Variants in SFPQ observed in about 807,000 individuals in gnomAD.
SFPQ encodes splicing factor proline and glutamine rich.
Under a neutral mutation model 72.9 loss-of-function variants are expected in SFPQ, and 11 were observed. That is an observed-to-expected ratio of 0.15 (90% confidence interval 0.09 to 0.25). SFPQ has a LOEUF of 0.25. Ranked by LOEUF, SFPQ falls within the 10% of genes least tolerant of loss-of-function variation. SFPQ has a pLI of 1.00. For missense variants in SFPQ, 847 were observed against 993.3 expected, an observed-to-expected ratio of 0.85 and a Z score of 1.98; for synonymous variants, 506 against 367.3, an observed-to-expected ratio of 1.38 and a Z score of -4.32.
In SFPQ at chr1:35,190,539, A is replaced by C; in HGVS notation, c.1374T>G (p.Gly458=). The change falls in exon 4 of 10, where the codon GGT becomes GGG. Residue 458 remains glycine (G), a synonymous_variant. Coordinates refer to ENST00000357214, the MANE Select transcript of SFPQ (RefSeq NM_005066.3). Reference sequence around the variant, plus strand: ...TCTTCTGGGCAAGTTTTTCAGGAAGACCATCTTCATCATCTAGTTGTTCAA... The same window carrying C: ...TCTTCTGGGCAAGTTTTTCAGGAAGCCCATCTTCATCATCTAGTTGTTCAA... ...EPLEQLDDED[G]LPEKLAQKNP... The C allele has an allele frequency of 1.2e-6, 2 of 1,613,914 alleles. No individual in the cohort carries two copies. Among genetic ancestry groups the C allele is most frequent in the Non-Finnish European group, 1.7e-6 (2 of 1,179,890 alleles).
chr1:35,187,361 G>C (rs1639771336), intron 7 of SFPQ, 110 bp from the exon 8 acceptor site: 1 of 972,152 alleles, frequency 1.0e-6, no homozygotes, highest in Admixed American at 2.0e-5. Flanking sequence ...AAGTTCAAAA[G>C]TTCATCATGT....
At position 35,191,210 on chromosome 1, in the gene SFPQ, G is replaced by A. The variant is rs552168682; in HGVS notation, c.1017+131C>T. On this transcript the variant is annotated intron_variant, in intron 2 of 9. Coordinates refer to ENST00000357214, the MANE Select transcript of SFPQ (RefSeq NM_005066.3). ...GCATTATACCGCAAGCATTTTTCCT[G>A]TAAGAATGGTGAAAAATCTAAAAGA... 1.1e-5 allele frequency: 10 copies of A among 884,620 alleles called. No homozygotes were observed. In the African/African-American group the frequency reaches 1.7e-4, roughly 15 times the overall value. 54.8% of individuals were successfully genotyped at this position (884,620 alleles called of 1,614,324 possible). A position where few individuals can be genotyped will look rare whatever the true frequency, so the allele number is the denominator to read the frequency against.
In SFPQ at chr1:35,192,686, C is replaced by T; in HGVS notation, c.364G>A (p.Gly122Ser). The change falls in exon 1 of 10, where the codon GGC (glycine) becomes AGC (serine). Residue 122 changes from glycine (G) to serine (S), a missense_variant. This residue lies in a region of SFPQ where 498 missense variants were observed against 405.1 expected (regional missense o/e 1.23). Coordinates refer to ENST00000357214, the MANE Select transcript of SFPQ (RefSeq NM_005066.3). ...AQGPGPAPGV[G>S]SAPPASSSAP... ...GAGCTGGAGGCTGGTGGTGCGCTGC[C>T]TACTCCGGGAGCGGGGCCGGGTCCC... 7.0e-7 allele frequency: 1 copy of T among 1,430,760 alleles called. No homozygotes were observed. Among genetic ancestry groups the T allele is most frequent in the African/African-American group, 1.5e-5 (1 of 67,300 alleles). 88.6% of individuals were successfully genotyped at this position (1,430,760 alleles called of 1,614,324 possible). A position where few individuals can be genotyped will look rare whatever the true frequency, so the allele number is the denominator to read the frequency against.
Position 35,192,934 on chromosome 1 carries a change from C to G in SFPQ, c.116G>C (p.Gly39Ala). 6.3e-7 allele frequency: 1 copy of G among 1,587,422 alleles called. No homozygotes were observed. Reference protein sequence around the residue: ...HDFRSPPPGMGLNQNRGPMGP... With the variant: ...HDFRSPPPGMALNQNRGPMGP... ...CATGGGGCCGCGATTCTGATTGAGGCCCATGCCGGGCGGCGGAGAACGGAA... is the reference window on the plus strand; with the variant it reads ...CATGGGGCCGCGATTCTGATTGAGGGCCATGCCGGGCGGCGGAGAACGGAA... Residue 39 changes from glycine to alanine, a missense_variant, in exon 1 of 10, where the codon GGC becomes GCC. By Grantham distance (60) the Gly-to-Ala change is moderately conservative (BLOSUM62 0). Around this residue, in one of 6 missense-constraint regions of SFPQ, gnomAD observed 498 missense variants for 405.1 expected, o/e 1.23. Transcript: ENST00000357214.
Position 35,183,449 on chromosome 1 carries a change from T to C in SFPQ, c.*1007A>G, listed in dbSNP as rs1418695159. 9 of 501,438 alleles carry C rather than the reference T, an allele frequency of 1.8e-5. No individual in the cohort carries two copies. Among genetic ancestry groups the C allele is most frequent in the Non-Finnish European group, 2.1e-5 (8 of 381,386 alleles). 31.1% of individuals were successfully genotyped at this position (501,438 alleles called of 1,614,324 possible). On this transcript the variant is annotated 3_prime_UTR_variant, in exon 10 of 10. Coordinates refer to ENST00000357214, the MANE Select transcript of SFPQ (RefSeq NM_005066.3). ...GGCCAGGCTGGTCTTGAACTCCTGA[T>C]CTCATGATTTGCCCACCTCAGCCTC...
At chr1:35,192,191 G>T (rs1276969876) in intron 1 of SFPQ, 31 bp downstream of exon 1, 1 of 1,377,242 alleles carries the variant, frequency 7.3e-7, no homozygotes, top group Non-Finnish European at 9.3e-7. Context: ...CATCTTAGGG[G>T]AGCCGACGCG....
At chr1:35,187,906 A>T in intron 7 of SFPQ, 67 bp downstream of exon 7, 1 of 916,476 alleles carries the variant, frequency 1.1e-6, no homozygotes, top group Non-Finnish European at 1.8e-6. Flanking sequence ...AATTTCCTGT[A>T]ATTCCTTCTA....
intron 7 of SFPQ, 26 bp downstream of exon 7, chr1:35,187,947 T>C (rs747330697): frequency 2.5e-5 from 36 of 1,441,492 alleles, no homozygotes; most frequent in South Asian, 8.0e-5. Context: ...ACAACTCCAA[T>C]TGGAAGGCAG....
At position 35,184,245 on chromosome 1, in the gene SFPQ, A is replaced by C; in HGVS notation, c.*211T>G. On this transcript the variant is annotated 3_prime_UTR_variant, in exon 10 of 10. Transcript: ENST00000357214. ...GACATTATACAGTAAAAAAGAAAAA[A>C]TAAAGAAATAAAAAGGAAAAAAAAA... is the stretch of plus-strand genomic sequence containing the variant. The C allele has an allele frequency of 7.5e-7, 1 of 1,332,686 alleles. No homozygotes were observed. 82.6% of individuals were successfully genotyped at this position (1,332,686 alleles called of 1,614,324 possible).
downstream of SFPQ, chr1:35,179,923 T>C (rs1385106299): frequency 5.7e-6 from 6 of 1,054,950 alleles, no homozygotes; most frequent in East Asian, 5.3e-5. Flanking sequence ...GTGATACTCA[T>C]GTCACTAATA....
chr1:35,189,484 G>T, intron 4 of SFPQ, 102 bp from the exon 5 acceptor site: 2 of 970,234 alleles, frequency 2.1e-6, no homozygotes, highest in South Asian at 1.9e-5. Flanking sequence ...CTTGTAAAGA[G>T]TACAAAAGGC....
downstream of SFPQ, chr1:35,180,240 T>TGA: frequency 9.5e-7 from 1 of 1,051,468 alleles, no homozygotes; most frequent in Non-Finnish European, 1.1e-6. Flanking sequence ...TAAAACCAGT[T>TGA]CAGAGACCAA....
At chr1:35,184,901 G>T (rs998597963) in intron 9 of SFPQ, among the ~76,000 whole-genome samples, 5 of 152,132 alleles carry the variant, frequency 3.3e-5, no homozygotes, top group African/African-American at 1.2e-4. Context: ...TGAGTTCTAA[G>T]AAATTTCACA....
chr1:35,187,675 G>A lies in SFPQ; in HGVS notation c.1815+298C>T, dbSNP rs561568367. Among the ~76,000 whole-genome samples the A allele has an allele frequency of 3.3e-5, 5 of 151,886 alleles. No individual in the cohort carries two copies. The East Asian group carries it at 7.7e-4, about 24-fold the overall frequency. Reference sequence around the variant, plus strand: ...GAACCCAGAAGGCAGATGCTGCAGTGAGCCAAGATCAAGCCACTGCACTCC... The same window carrying A: ...GAACCCAGAAGGCAGATGCTGCAGTAAGCCAAGATCAAGCCACTGCACTCC... On this transcript the variant is annotated intron_variant, in intron 7 of 9. Coordinates refer to ENST00000357214, the MANE Select transcript of SFPQ (RefSeq NM_005066.3).
In SFPQ at chr1:35,187,966, G is replaced by GA. The variant is rs750576020; in HGVS notation, c.1815+6dup. 186 of 1,591,542 alleles carry GA rather than the reference G, an allele frequency of 1.2e-4. No individual in the cohort carries two copies. Among genetic ancestry groups the GA allele is most frequent in the Middle Eastern group, 1.7e-4 (1 of 6,048 alleles). On this transcript the variant is annotated splice_region_variant and intron_variant, in intron 7 of 9. Coordinates refer to ENST00000357214, the MANE Select transcript of SFPQ (RefSeq NM_005066.3). ...CTCCAATTGGAAGGCAGTAAAGGCT[G>GA]ACTTACTGGATCCATGTAGCCCATT... is the stretch of plus-strand genomic sequence containing the variant.
downstream of SFPQ, chr1:35,178,958 G>C (rs955701990): frequency 1.9e-6 from 2 of 1,054,670 alleles, no homozygotes; most frequent in African/African-American, 3.3e-5. Context: ...TGGTTTACCA[G>C]CAACTGTTGA....
chr1:35,188,163 C>T, intron 6 of SFPQ, 73 bp from the exon 7 acceptor site: 2 of 1,150,732 alleles, frequency 1.7e-6, no homozygotes, highest in Non-Finnish European at 2.6e-6. Context: ...AGAAACCTAG[C>T]AGTTGACCTA....
chr1:35,192,092 C>T (rs933099406), intron 1 of SFPQ, 130 bp downstream of exon 1: 111 of 701,302 alleles, frequency 1.6e-4, no homozygotes, highest in Non-Finnish European at 9.4e-5. Flanking sequence ...GGCCGCCCCG[C>T]CCCCGCAGCG....
At chr1:35,191,715 C>G (rs1326911491) in intron 1 of SFPQ, among the ~76,000 whole-genome samples, 186 bp from the exon 2 acceptor site, 2 of 152,186 alleles carry the variant, frequency 1.3e-5, no homozygotes, top group African/African-American at 4.8e-5. Flanking sequence ...GCCCCATCAT[C>G]CAGAATGTTC....
Sources: gnomAD v4.1 joint callset for allele counts (sites outside exome capture counted in the v4.1 genomes callset) on GRCh38, gnomAD v4.1.1 for gene constraint, gnomAD v4.1.1 regional missense constraint, MANE v1.5 for transcripts, NCBI Gene and HGNC (gene_info 2026-07-23, HGNC 2026-07-21) for gene names.